The following SEMA4B variants were observed in gnomAD, a reference collection of about 807,000 sequenced individuals.
SEMA4B encodes semaphorin-4B.
A neutral mutation model predicts 88.1 loss-of-function variants in SEMA4B; 55 were observed. The ratio of observed to expected loss-of-function variants is 0.62; its 90% CI spans 0.50 to 0.78. The LOEUF is 0.78. Ranked by LOEUF, SEMA4B falls within the 30% of genes least tolerant of loss-of-function variation. The pLI, the probability that SEMA4B is intolerant of heterozygous loss-of-function variation, is 0.00. For missense variants in SEMA4B, 1,062 were observed against 1,111.9 expected (o/e 0.96, Z 0.64); for synonymous variants, 525 against 473.6 (o/e 1.11, Z -1.41).
At chr15:90,207,050 C>T (rs768270890) in intron 1 of SEMA4B, 26 of 346,314 alleles carry the variant, frequency 7.5e-5, no homozygotes, top group Admixed American at 2.5e-4. Context: ...ACCATCGACC[C>T]TCTTCTGGGC....
upstream of SEMA4B, among the ~76,000 whole-genome samples, chr15:90,198,700 T>G (rs1960596498): frequency 6.6e-6 from 1 of 152,096 alleles, no homozygotes; most frequent in African/African-American, 2.4e-5. Context: ...CTACTATATA[T>G]GTACCTGGTG....
intron 1 of SEMA4B, among the ~76,000 whole-genome samples, chr15:90,186,403 T>G (rs528252983): frequency 2.0e-3 from 296 of 144,466 alleles, no homozygotes; most frequent in African/African-American, 7.5e-3. Flanking sequence ...GCGGATCACC[T>G]GAGCTCAGGA....
At position 90,223,731 on chromosome 15, in the gene SEMA4B, C is replaced by T. The variant is rs1329225326; in HGVS notation, c.1034C>T (p.Thr345Ile). 3 of 1,606,354 alleles carry T rather than the reference C, an allele frequency of 1.9e-6. No individual in the cohort carries two copies. The highest frequency in any genetic ancestry group is 1.7e-5 in the Admixed American group (1 of 59,672). ...WRDTLFYGVF[T>I]SQWHRGTTEG... ...GACACCCTTTTCTATGGGGTCTTCA[C>T]TTCCCAGTGGTAGGGCCTCCAGACC... Residue 345 changes from threonine to isoleucine, a missense_variant, in exon 8 of 14, where the codon ACT becomes ATT. By Grantham distance (89) the Thr-to-Ile change is moderately conservative. Transcript: ENST00000411539.
At chr15:90,224,615 G>A (rs536374457) in intron 9 of SEMA4B, among the ~76,000 whole-genome samples, 10 of 152,314 alleles carry the variant, frequency 6.6e-5, no homozygotes, top group African/African-American at 1.2e-4. Context: ...AAGAACTGCC[G>A]ACTGCACTGG....
At chr15:90,193,200 AG>A (rs1960397984) in intron 1 of SEMA4B, 2 of 152,252 alleles carry the variant, frequency 1.3e-5, no homozygotes, top group Non-Finnish European at 2.9e-5. Flanking sequence ...AGAGTGGCAA[AG>A]GGGAACAGGA....
At chr15:90,190,106 G>T (rs944215807) in intron 1 of SEMA4B, among the ~76,000 whole-genome samples, 2 of 152,194 alleles carry the variant, frequency 1.3e-5, no homozygotes, top group African/African-American at 4.8e-5. Flanking sequence ...CCCTGGTGTG[G>T]TGCCCACCAG....
At position 90,193,874 on chromosome 15, in the gene SEMA4B, C is replaced by T. The variant is rs532468799; in HGVS notation, c.-121-7584C>T. On this transcript the variant is annotated intron_variant, in intron 1 of 14. Transcript: ENST00000332496. ...TTTTTTTTTGGGTTGGTCGGGGGGA[C>T]GGAGTTTCACTCTTGTGCCCAGGCT... Among the ~76,000 whole-genome samples, 9 of 150,206 alleles carry T rather than the reference C, an allele frequency of 6.0e-5. No homozygotes were observed. The East Asian group carries it at 7.9e-4, about 13-fold the overall frequency.
At chr15:90,214,810 G>A (rs554840348) in intron 1 of SEMA4B, 127 of 314,934 alleles carry the variant, frequency 4.0e-4, no homozygotes, top group African/African-American at 2.7e-3. Context: ...TGACCTACTC[G>A]TGAATTTTTA....
chr15:90,220,173 C>A, intron 4 of SEMA4B: 1 of 393,588 alleles, frequency 2.5e-6, no homozygotes, highest in East Asian at 4.7e-5. Flanking sequence ...CTTCTTCCAG[C>A]ATCTCTCCCT....
In SEMA4B at chr15:90,229,536, C is replaced by A. The variant is rs1962397836; in HGVS notation, c.*893C>A. 2.5e-6 allele frequency: 1 copy of A among 401,776 alleles called. No individual in the cohort carries two copies. The highest frequency in any genetic ancestry group is 7.2e-5 in the East Asian group (1 of 13,962). The allele number at this position is 401,776 out of a possible 1,614,324, so 24.9% of individuals were successfully genotyped here. A position where few individuals can be genotyped will look rare whatever the true frequency, so the allele number is the denominator to read the frequency against. ...AGTTCACCCTCCATCCCTCACCTTC[C>A]TCCACTCTAAGGGATATCAACACTG... On this transcript the variant is annotated 3_prime_UTR_variant, in exon 14 of 14. Transcript: ENST00000411539.
At chr15:90,215,565 A>C (rs28704052) in intron 1 of SEMA4B, among the ~76,000 whole-genome samples, 43,826 of 152,150 alleles carry the variant, frequency 0.29, 6,788 homozygotes, top group Non-Finnish European at 0.34. Context: ...TAATCCCAGC[A>C]CTTCGGGAGG....
chr15:90,208,692 C>T (rs1398234027), intron 1 of SEMA4B, among the ~76,000 whole-genome samples: 1 of 152,104 alleles, frequency 6.6e-6, no homozygotes, highest in African/African-American at 2.4e-5. Context: ...TTCTTGTCTC[C>T]CTACCATACT....
At chr15:90,216,942 C>G (rs8031100) in intron 1 of SEMA4B, 44,523 of 152,526 alleles carry the variant, frequency 0.29, 6,918 homozygotes, top group Non-Finnish European at 0.34. Flanking sequence ...CTCTTTGGGT[C>G]TAATGTCACT....
At chr15:90,205,353 C>T in intron 1 of SEMA4B, among the ~76,000 whole-genome samples, 1 of 152,208 alleles carries the variant, frequency 6.6e-6, no homozygotes, top group Non-Finnish European at 1.5e-5. Context: ...TTGACATGGT[C>T]TCAACTGGAC....
Position 90,228,373 on chromosome 15 carries a change from G to T in SEMA4B, c.2244G>T (p.Leu748=). ...ACCGGAACAGCATGAAAGTCTTCCTGAAGCAGGGGGAATGTGCCAGCGTGC... is the reference window on the plus strand; with the variant it reads ...ACCGGAACAGCATGAAAGTCTTCCTTAAGCAGGGGGAATGTGCCAGCGTGC... ...YRHRNSMKVF[L]KQGECASVHP... is the part of the protein sequence containing the mutation. The change falls in exon 14 of 14, where the codon CTG becomes CTT. Residue 748 remains leucine, a synonymous_variant. Coordinates refer to ENST00000411539, the MANE Select transcript of SEMA4B (RefSeq NM_198925.4). 6.3e-7 allele frequency: 1 copy of T among 1,599,602 alleles called. No individual in the cohort carries two copies. The highest frequency in any genetic ancestry group is 8.5e-7 in the Non-Finnish European group (1 of 1,172,570).
At chr15:90,207,797 C>T (rs1237304687) in intron 1 of SEMA4B, among the ~76,000 whole-genome samples, 3 of 152,184 alleles carry the variant, frequency 2.0e-5, no homozygotes, top group African/African-American at 7.2e-5. Context: ...CCAGCCGAGG[C>T]CCCTGGTTGC....
At position 90,221,046 on chromosome 15, in the gene SEMA4B, G is replaced by A. The variant is rs374280882; in HGVS notation, c.548G>A (p.Gly183Asp). The A allele has an allele frequency of 1.2e-6, 2 of 1,611,064 alleles. No individual in the cohort carries two copies. The highest frequency in any genetic ancestry group is 1.7e-6 in the Non-Finnish European group (2 of 1,178,744). Residue 183 changes from glycine (G) to aspartate (D), a missense_variant, in exon 5 of 14, where the codon GGC (glycine) becomes GAC (aspartate). Transcript: ENST00000411539. ...KGNVLLEDGK[G>D]RCPFDPNFKS... The stretch of plus-strand genomic sequence containing the variant: ...AATGTCCTCCTGGAAGATGGCAAGG[G>A]CCGTTGTCCCTTCGACCCGAATTTC...
intron 1 of SEMA4B, among the ~76,000 whole-genome samples, chr15:90,215,705 G>C (rs1453348648): frequency 6.6e-6 from 1 of 152,042 alleles, no homozygotes; most frequent in African/African-American, 2.4e-5. Flanking sequence ...CCAGCTACTC[G>C]GGAGGCTGAG....
intron 1 of SEMA4B, among the ~76,000 whole-genome samples, chr15:90,213,546 C>T (rs1450237576): frequency 1.3e-5 from 2 of 152,354 alleles, no homozygotes; most frequent in East Asian, 1.9e-4. Context: ...CCCCTCCAGC[C>T]GGCTGCACTC....
Sources: gnomAD v4.1 joint callset for allele counts (sites outside exome capture counted in the v4.1 genomes callset) on GRCh38, gnomAD v4.1.1 for gene constraint, MANE v1.5 for transcripts, NCBI Gene and HGNC (gene_info 2026-07-23, HGNC 2026-07-21) for gene names.